Variants in TEX11 observed in about 807,000 individuals in gnomAD.
The protein encoded by TEX11 is testis-expressed protein 11.
TEX11 carries 7 observed loss-of-function variants against 84.4 expected under a neutral mutation model. That is an observed-to-expected ratio of 0.08 (90% CI 0.05 to 0.16). The LOEUF is 0.16. Ranked by LOEUF, TEX11 falls within the 10% of genes least tolerant of loss-of-function variation. TEX11 has a pLI of 1.00. For synonymous variants in TEX11, 264 were observed against 222.8 expected (o/e 1.18, Z -1.64); for missense variants, 551 against 660.5 (o/e 0.83, Z 1.82).
At chrX:70,649,546 T>A (rs1353057747) in intron 17 of TEX11, among the ~76,000 whole-genome samples, 1 of 112,204 alleles carries the variant, frequency 8.9e-6, no homozygotes, top group East Asian at 2.8e-4. Flanking sequence ...TCTAATAAAG[T>A]TAAACATGTA....
At chrX:70,652,189 A>C (rs187781779) in intron 16 of TEX11, among the ~76,000 whole-genome samples, 2 of 111,802 alleles carry the variant, frequency 1.8e-5, no homozygotes, top group East Asian at 5.6e-4. Flanking sequence ...GACCCAAACT[A>C]CATTATACAG....
chrX:70,579,063 T>A (rs964603551), intron 25 of TEX11, among the ~76,000 whole-genome samples: 1 of 110,520 alleles, frequency 9.0e-6, no homozygotes, highest in Non-Finnish European at 1.9e-5. Flanking sequence ...AGCCAGAAGT[T>A]GAACTTTTAA....
chrX:70,737,693 C>CA (rs1208207958), intron 11 of TEX11, among the ~76,000 whole-genome samples: 2 of 87,326 alleles, frequency 2.3e-5, no homozygotes, highest in Admixed American at 1.3e-4. Context: ...ACCCCCCCCC[C>CA]AAAAAAAGCT....
the TEX11 span, among the ~76,000 whole-genome samples, chrX:70,515,268 AC>A: frequency 0.065 from 4,960 of 76,307 alleles, 301 homozygotes; most frequent in African/African-American, 0.22. Flanking sequence ...TCCCTCCTCC[AC>A]CCCCCCCCAC....
the TEX11 span, among the ~76,000 whole-genome samples, chrX:70,517,125 C>T: frequency 9.0e-6 from 1 of 111,207 alleles, no homozygotes; most frequent in Non-Finnish European, 1.9e-5. Context: ...CTTTCTCTTC[C>T]CTGATTGCCC....
intron 9 of TEX11, among the ~76,000 whole-genome samples, chrX:70,806,127 G>C (rs2091217742): frequency 8.9e-6 from 1 of 112,103 alleles, no homozygotes; most frequent in Non-Finnish European, 1.9e-5. Flanking sequence ...ATATAAAGGA[G>C]GAATGAAGAG....
At chrX:70,698,679 G>C (rs1221740992) in intron 13 of TEX11, among the ~76,000 whole-genome samples, 3 of 108,991 alleles carry the variant, frequency 2.8e-5, no homozygotes, top group African/African-American at 9.9e-5. Flanking sequence ...TTTGACCCCA[G>C]GCTCTGCTGT....
rs2089486431 is a variant in TEX11, at chrX:70,629,619, C to A, written c.1600G>T (p.Ala534Ser). The A allele has an allele frequency of 8.3e-7, 1 of 1,208,845 alleles. No individual in the cohort carries two copies. Among genetic ancestry groups the A allele is most frequent in the South Asian group, 1.8e-5 (1 of 56,471 alleles). Residue 534 changes from alanine (A) to serine (S), a missense_variant, in exon 18 of 30, where the codon GCT becomes TCT. Transcript: ENST00000374333. Reference sequence around the variant, plus strand: ...GAATACATATGAATTACCTCTAGAGCAAACTGGGCAGCTAAACTTAGAAGC... The same window carrying A: ...GAATACATATGAATTACCTCTAGAGAAAACTGGGCAGCTAAACTTAGAAGC... ...TMLLSLAAQF[A>S]LENGQQIVAE...
intron 2 of TEX11, among the ~76,000 whole-genome samples, chrX:70,894,740 G>A (rs900729800): frequency 8.1e-5 from 9 of 111,324 alleles, no homozygotes; most frequent in Non-Finnish European, 1.1e-4. Context: ...TACGCAAATC[G>A]ATAAACATAA....
intron 5 of TEX11, among the ~76,000 whole-genome samples, chrX:70,859,030 T>C (rs1424546092): frequency 9.1e-6 from 1 of 109,643 alleles, no homozygotes; most frequent in African/African-American, 3.3e-5. Context: ...AGAGCGAGAC[T>C]CTATCTCAAA....
chrX:70,747,181 A>G, intron 9 of TEX11, among the ~76,000 whole-genome samples: 1 of 112,239 alleles, frequency 8.9e-6, no homozygotes, highest in African/African-American at 3.2e-5. Flanking sequence ...TCCCAGAACT[A>G]TAAAAGCAGT....
chrX:70,511,998 T>C, the TEX11 span, among the ~76,000 whole-genome samples: 1 of 105,700 alleles, frequency 9.5e-6, no homozygotes, highest in Admixed American at 1.0e-4. Context: ...ACTCCTTAGG[T>C]AGATATTCCA....
chrX:70,622,372 T>C (rs1279151923), intron 20 of TEX11, among the ~76,000 whole-genome samples: 2 of 112,387 alleles, frequency 1.8e-5, no homozygotes, highest in African/African-American at 6.4e-5. Context: ...AAAGTGTTTG[T>C]AATTTCTCAT....
chrX:70,757,136 A>G (rs963464785), intron 9 of TEX11, among the ~76,000 whole-genome samples: 5 of 112,344 alleles, frequency 4.5e-5, no homozygotes, highest in African/African-American at 1.6e-4. Flanking sequence ...GACCAAATCT[A>G]CGTTTGACTG....
chrX:70,511,550 C>T, the TEX11 span, among the ~76,000 whole-genome samples: 4 of 107,247 alleles, frequency 3.7e-5, no homozygotes, highest in African/African-American at 1.0e-4. Flanking sequence ...GTCAGAAGTT[C>T]GAGACCAAAT....
chrX:70,763,513 G>A (rs967969520), intron 9 of TEX11, among the ~76,000 whole-genome samples: 3 of 109,963 alleles, frequency 2.7e-5, no homozygotes, highest in East Asian at 2.8e-4. Context: ...CTTAGGTGTC[G>A]GGTATGCCAA....
intron 4 of TEX11, among the ~76,000 whole-genome samples, chrX:70,869,568 G>A (rs1478456911): frequency 9.0e-6 from 1 of 111,529 alleles, no homozygotes; most frequent in African/African-American, 3.3e-5. Flanking sequence ...TTACTCCCTT[G>A]GAGTTTCAGA....
intron 24 of TEX11, among the ~76,000 whole-genome samples, chrX:70,599,229 T>C (rs931516210): frequency 1.2e-4 from 13 of 112,062 alleles, no homozygotes; most frequent in Non-Finnish European, 2.3e-4. Flanking sequence ...TTCTTTATTT[T>C]CTTTATTTTC....
chrX:70,539,903 G>A (rs2088019178), intron 28 of TEX11, among the ~76,000 whole-genome samples: 1 of 111,271 alleles, frequency 9.0e-6, no homozygotes. Flanking sequence ...AAAGAAAAAA[G>A]CCCCAAGAAA....
Sources: gnomAD v4.1 joint callset for allele counts (sites outside exome capture counted in the v4.1 genomes callset) on GRCh38, gnomAD v4.1.1 for gene constraint, MANE v1.5 for transcripts, NCBI Gene and HGNC (gene_info 2026-07-23, HGNC 2026-07-21) for gene names.